The following SV2B variants were observed in gnomAD, a reference collection of about 807,000 sequenced individuals.
SV2B encodes the protein synaptic vesicle glycoprotein 2B.
A neutral mutation model predicts 73.9 loss-of-function variants in SV2B; 41 were observed. The observed-to-expected ratio is 0.56, with a 90% CI of 0.43 to 0.72. SV2B has a LOEUF of 0.72. Ranked by LOEUF, SV2B falls within the 30% of genes least tolerant of loss-of-function variation. SV2B has a pLI of 0.00. For synonymous variants in SV2B, 314 were observed against 314.2 expected (o/e 1.00, Z 0.01); for missense variants, 764 against 857.8 (o/e 0.89, Z 1.37).
intron 4 of SV2B, among the ~76,000 whole-genome samples, chr15:91,255,465 C>T (rs750092422): frequency 3.3e-5 from 5 of 152,000 alleles, no homozygotes; most frequent in Admixed American, 2.6e-4. Flanking sequence ...TCTGGGGACT[C>T]GGGGAAAGGG....
chr15:91,292,559 TATGGGAAAAGGAAA>T lies in SV2B; in HGVS notation c.*8_*21del. On this transcript the variant is annotated 3_prime_UTR_variant, in exon 13 of 13. Transcript: ENST00000394232. ...AGAACAGGTCCTGATGTGAACAACC[TATGGGAAAAGGAAA>T]GGTCGAGAGAATCTTGTCCAGGACA... 1 of 1,608,260 alleles carries T rather than the reference TATGGGAAAAGGAAA, an allele frequency of 6.2e-7. No individual in the cohort carries two copies. The highest frequency in any genetic ancestry group is 8.5e-7 in the Non-Finnish European group (1 of 1,177,840).
chr15:91,275,635 G>A (rs972306529), intron 9 of SV2B, among the ~76,000 whole-genome samples: 3 of 152,112 alleles, frequency 2.0e-5, no homozygotes, highest in Non-Finnish European at 4.4e-5. Context: ...GACCAGCTTG[G>A]GCAACATGGT....
intron 1 of SV2B, among the ~76,000 whole-genome samples, chr15:91,177,413 T>G (rs2044357663): frequency 1.3e-5 from 2 of 151,914 alleles, no homozygotes; most frequent in Admixed American, 6.5e-5. Flanking sequence ...AAGTAGTTTC[T>G]TCCAATTCTG....
chr15:91,174,718 A>C (rs895394416), intron 1 of SV2B, among the ~76,000 whole-genome samples: 50 of 152,224 alleles, frequency 3.3e-4, no homozygotes, highest in African/African-American at 1.2e-3. Flanking sequence ...AAGCTTTTCT[A>C]CAATAGCCCT....
At chr15:91,142,996 T>G (rs2043039854) in intron 1 of SV2B, among the ~76,000 whole-genome samples, 1 of 152,262 alleles carries the variant, frequency 6.6e-6, no homozygotes, top group Admixed American at 6.5e-5. Flanking sequence ...CAGAATCTGC[T>G]GCTGCTTCAG....
Position 91,201,037 on chromosome 15 carries a change from CT to C in SV2B, c.-391-24832del, listed in dbSNP as rs201057671. 9.6e-3 allele frequency among the ~76,000 whole-genome samples: 1,466 copies of C among 152,312 alleles called. 12 individuals carry two copies. Among genetic ancestry groups the C allele is most frequent in the South Asian group, 0.025 (121 of 4,834 alleles). ...CATAAGATAACCATTTTATGTTTGG[CT>C]TTTGCTGCATTATTGGCTATACTTT... is the stretch of plus-strand genomic sequence containing the variant. On this transcript the variant is annotated intron_variant, in intron 1 of 12. Coordinates refer to ENST00000394232, the MANE Select transcript of SV2B (RefSeq NM_001323032.3).
Position 91,222,923 on chromosome 15 carries a change from C to T in SV2B, c.-391-2950C>T, listed in dbSNP as rs1339826471. Among the ~76,000 whole-genome samples the T allele has an allele frequency of 3.3e-5, 5 of 152,302 alleles. No individual in the cohort carries two copies. The East Asian group carries it at 9.6e-4, about 29-fold the overall frequency. ...GTTTGATGTTGTTATTTCATAAACACTAGGCTTGTTGAATGTATTCGTTTC... is the reference window on the plus strand; with the variant it reads ...GTTTGATGTTGTTATTTCATAAACATTAGGCTTGTTGAATGTATTCGTTTC... On this transcript the variant is annotated intron_variant, in intron 1 of 12. Coordinates refer to ENST00000394232, the MANE Select transcript of SV2B (RefSeq NM_001323032.3).
intron 1 of SV2B, among the ~76,000 whole-genome samples, chr15:91,179,629 T>C (rs1209856982): frequency 6.6e-6 from 1 of 152,190 alleles, no homozygotes; most frequent in East Asian, 1.9e-4. Context: ...GTTGAATTGA[T>C]CCCTTTACCA....
At chr15:91,193,447 A>G (rs1299977856) in intron 1 of SV2B, among the ~76,000 whole-genome samples, 1 of 152,200 alleles carries the variant, frequency 6.6e-6, no homozygotes, top group South Asian at 2.1e-4. Flanking sequence ...AGAGCCAGGG[A>G]ACCCCCTTTG....
At chr15:91,157,249 A>G (rs2043522625) in intron 1 of SV2B, among the ~76,000 whole-genome samples, 1 of 152,140 alleles carries the variant, frequency 6.6e-6, no homozygotes, top group Non-Finnish European at 1.5e-5. Context: ...ATGCACAGGG[A>G]AGGAATGGTT....
intron 1 of SV2B, among the ~76,000 whole-genome samples, chr15:91,171,102 G>A (rs544371713): frequency 7.9e-5 from 12 of 152,172 alleles, no homozygotes; most frequent in East Asian, 7.7e-4. Context: ...TATGGATCTC[G>A]ATCAGTCTGT....
rs755318654 is a variant in SV2B, at chr15:91,231,875, A to C, written c.451+5161A>C. On this transcript the variant is annotated intron_variant, in intron 2 of 12. Coordinates refer to ENST00000394232, the MANE Select transcript of SV2B (RefSeq NM_001323032.3). This position sits in a 1 kb window ranked among gnomAD's most constrained non-coding sequence, Gnocchi z 4.5. ...GAATCTAACAGTTGACCCCTGGGGC[A>C]TGGTGTCTGTGCCAGCCATACGGAG... is the stretch of plus-strand genomic sequence containing the variant. 1.3e-5 allele frequency among the ~76,000 whole-genome samples: 2 copies of C among 152,198 alleles called. No homozygotes were observed. Among genetic ancestry groups the C allele is most frequent in the Non-Finnish European group, 2.9e-5 (2 of 68,044 alleles).
Position 91,130,328 on chromosome 15 carries a change from T to C in SV2B, c.-392+29965T>C, listed in dbSNP as rs1167911815. ...TTGAGTGAACAGGCTCAGGAACCAA[T>C]TGCAACTCAGGGACAAGGTCAGGGT... On this transcript the variant is annotated intron_variant, in intron 1 of 12. Transcript: ENST00000394232. The surrounding 1 kb of genome is among the most constrained non-coding windows in gnomAD (Gnocchi z 5.6). Among the ~76,000 whole-genome samples the C allele has an allele frequency of 6.6e-6, 1 of 152,116 alleles. No homozygotes were observed. Among genetic ancestry groups the C allele is most frequent in the Non-Finnish European group, 1.5e-5 (1 of 68,000 alleles).
chr15:91,255,648 C>G (rs2047661700), intron 4 of SV2B, among the ~76,000 whole-genome samples: 1 of 152,150 alleles, frequency 6.6e-6, no homozygotes, highest in South Asian at 2.1e-4. Flanking sequence ...TATTTTACCC[C>G]AAATGGACAG....
rs190474667 is a variant in SV2B, at chr15:91,272,242, C to A, written c.1373+3637C>A. ...AAAAGAATAAGTTCATGTTTTAAAC[C>A]CTGAGCCAAAATGTCAGGCCAGGCT... On this transcript the variant is annotated intron_variant, in intron 9 of 12. Coordinates refer to ENST00000394232, the MANE Select transcript of SV2B (RefSeq NM_001323032.3). Among the ~76,000 whole-genome samples the A allele has an allele frequency of 1.9e-3, 286 of 152,210 alleles. 1 individual carries two copies. The highest frequency in any genetic ancestry group is 6.7e-3 in the African/African-American group (280 of 41,508).
At chr15:91,186,683 A>G (rs1377163672) in intron 1 of SV2B, among the ~76,000 whole-genome samples, 4 of 152,192 alleles carry the variant, frequency 2.6e-5, no homozygotes, top group Non-Finnish European at 4.4e-5. Context: ...GACACAGCAT[A>G]GAATAAGAGA....
intron 10 of SV2B, among the ~76,000 whole-genome samples, chr15:91,282,794 G>A (rs777946069): frequency 1.3e-5 from 2 of 152,190 alleles, no homozygotes; most frequent in Non-Finnish European, 2.9e-5. Flanking sequence ...AGCCTCAAGA[G>A]CTTCAAGATC....
intron 1 of SV2B, among the ~76,000 whole-genome samples, chr15:91,169,998 C>T (rs1383961964): frequency 6.6e-6 from 1 of 152,140 alleles, no homozygotes; most frequent in Admixed American, 6.5e-5. Flanking sequence ...TTGAAGGGGC[C>T]TTAGACACCA....
intron 1 of SV2B, among the ~76,000 whole-genome samples, chr15:91,200,753 TA>T (rs543046898): frequency 1.3e-5 from 2 of 151,588 alleles, no homozygotes; most frequent in Non-Finnish European, 2.9e-5. Flanking sequence ...TATCAAAAAT[TA>T]AAAAAAATTA....
Sources: gnomAD v4.1 joint callset for allele counts (sites outside exome capture counted in the v4.1 genomes callset) on GRCh38, gnomAD v4.1.1 for gene constraint, Gnocchi (gnomAD v3.1) non-coding constraint, MANE v1.5 for transcripts, NCBI Gene and HGNC (gene_info 2026-07-23, HGNC 2026-07-21) for gene names.